Variants in ARL15 observed in about 807,000 individuals in gnomAD.
ARL15 encodes ARF like GTPase 15, also known as ADP-ribosylation factor-like protein 15.
ARL15 carries 19 observed loss-of-function variants against 25.2 expected under a neutral mutation model. The observed-to-expected ratio is 0.75, with a 90% CI of 0.53 to 1.10. The LOEUF is 1.10. Among genes scored for constraint, ARL15 ranks in the 50% least tolerant of loss-of-function variants. The pLI, the probability that ARL15 is intolerant of heterozygous loss-of-function variation, is 0.00. For missense variants in ARL15, 220 were observed against 246.0 expected, an observed-to-expected ratio of 0.89 and a Z score of 0.71; for synonymous variants, 94 against 86.8, an observed-to-expected ratio of 1.08 and a Z score of -0.46.
Position 54,126,760 on chromosome 5 carries a change from A to C in ARL15, c.254-13350T>G, listed in dbSNP as rs1335573301. Among the ~76,000 whole-genome samples, 3 of 152,266 alleles carry C rather than the reference A, an allele frequency of 2.0e-5. No homozygotes were observed. In the South Asian group the frequency reaches 6.2e-4, roughly 31 times the overall value. On this transcript the variant is annotated intron_variant, in intron 3 of 4. Coordinates refer to ENST00000504924, the MANE Select transcript of ARL15 (RefSeq NM_019087.3). ...GCAAGAAGGCCTTTGCCAAGTGCCA[A>C]TGCCATGCCTTCGAACTTCCCAGCC... is the stretch of plus-strand genomic sequence containing the variant.
intron 2 of ARL15, among the ~76,000 whole-genome samples, chr5:54,156,466 T>C (rs751494774): frequency 6.5e-4 from 99 of 152,258 alleles, no homozygotes; most frequent in Non-Finnish European, 7.9e-4. Flanking sequence ...GCTGGCATTA[T>C]GTTTCCATTG....
At chr5:53,941,396 G>A (rs1358470015) in intron 4 of ARL15, among the ~76,000 whole-genome samples, 3 of 152,274 alleles carry the variant, frequency 2.0e-5, no homozygotes, top group Non-Finnish European at 4.4e-5. Flanking sequence ...CTTTTTACAG[G>A]AGGTCGGGTA....
At chr5:53,982,596 T>C (rs555456624) in intron 4 of ARL15, among the ~76,000 whole-genome samples, 2 of 152,308 alleles carry the variant, frequency 1.3e-5, no homozygotes, top group South Asian at 4.1e-4. Context: ...TGATGGGCAT[T>C]TGGGTTGGTT....
At chr5:54,252,898 T>C (rs912024752) in intron 1 of ARL15, among the ~76,000 whole-genome samples, 1 of 152,034 alleles carries the variant, frequency 6.6e-6, no homozygotes. Context: ...GAATGTTTTT[T>C]ATTTTTTGTA....
chr5:54,267,683 C>T (rs1248635823), intron 1 of ARL15, among the ~76,000 whole-genome samples: 1 of 152,042 alleles, frequency 6.6e-6, no homozygotes, highest in East Asian at 1.9e-4. Flanking sequence ...AATCTCTCAG[C>T]ATTAGCTTGT....
intron 4 of ARL15, among the ~76,000 whole-genome samples, chr5:54,036,555 C>T (rs1025099311): frequency 2.6e-5 from 4 of 151,956 alleles, no homozygotes; most frequent in African/African-American, 9.7e-5. Flanking sequence ...CCTTCAAATC[C>T]ATACTTTGTT....
intron 4 of ARL15, among the ~76,000 whole-genome samples, chr5:53,944,573 C>T (rs1200119998): frequency 2.6e-5 from 4 of 152,096 alleles, no homozygotes; most frequent in Non-Finnish European, 2.9e-5. Flanking sequence ...GCCTGGGTGG[C>T]AGAGTGAGAC....
chr5:54,128,706 C>CTTT (rs34430326), intron 3 of ARL15, among the ~76,000 whole-genome samples: 8 of 130,250 alleles, frequency 6.1e-5, no homozygotes, highest in East Asian at 2.2e-4. Context: ...TATTTTGATT[C>CTTT]TTTTTTTTTT....
chr5:54,194,677 C>T (rs981572498), intron 1 of ARL15, among the ~76,000 whole-genome samples: 10 of 152,096 alleles, frequency 6.6e-5, no homozygotes, highest in African/African-American at 1.2e-4. Context: ...TTTGTGGTAA[C>T]GTGAGGAGAG....
intron 4 of ARL15, among the ~76,000 whole-genome samples, chr5:53,896,251 C>G (rs911222415): frequency 6.6e-6 from 1 of 152,152 alleles, no homozygotes; most frequent in African/African-American, 2.4e-5. Context: ...CTAGGCTGGT[C>G]TTAAACTCCT....
intron 3 of ARL15, among the ~76,000 whole-genome samples, chr5:54,123,163 G>A (rs1428923473): frequency 1.3e-5 from 2 of 150,142 alleles, no homozygotes; most frequent in African/African-American, 4.9e-5. Flanking sequence ...AGGCTGGAGT[G>A]CAATGGTGCC....
intron 4 of ARL15, among the ~76,000 whole-genome samples, chr5:53,950,459 T>C (rs1580110703): frequency 6.6e-6 from 1 of 152,150 alleles, no homozygotes; most frequent in East Asian, 1.9e-4. Context: ...ATCTGAGAAA[T>C]TCTCTATTTT....
intron 1 of ARL15, among the ~76,000 whole-genome samples, chr5:54,233,937 T>A (rs1756736736): frequency 6.6e-6 from 1 of 152,164 alleles, no homozygotes; most frequent in Non-Finnish European, 1.5e-5. Flanking sequence ...TCTCACTAAT[T>A]TTTGTTTTGG....
At chr5:53,994,693 A>C (rs545428510) in intron 4 of ARL15, among the ~76,000 whole-genome samples, 49 of 152,342 alleles carry the variant, frequency 3.2e-4, no homozygotes, top group Non-Finnish European at 5.9e-4. Flanking sequence ...AGATGCATTT[A>C]AAAACTGCAA....
At chr5:54,031,768 G>T (rs535649621) in intron 4 of ARL15, among the ~76,000 whole-genome samples, 295 of 151,950 alleles carry the variant, frequency 1.9e-3, no homozygotes, top group Middle Eastern at 6.8e-3. Flanking sequence ...TTCGCAAAAT[G>T]CAAGAACTAA....
At chr5:54,242,894 GA>G (rs900477159) in intron 1 of ARL15, among the ~76,000 whole-genome samples, 4 of 151,436 alleles carry the variant, frequency 2.6e-5, no homozygotes, top group Admixed American at 6.6e-5. Context: ...ATGCACAAAG[GA>G]AAAAAAATCT....
intron 4 of ARL15, among the ~76,000 whole-genome samples, chr5:53,980,319 T>C (rs541073401): frequency 5.3e-5 from 8 of 152,354 alleles, no homozygotes; most frequent in African/African-American, 1.7e-4. Flanking sequence ...TTACCTTTTT[T>C]GATTCTTTAT....
chr5:53,919,337 T>G (rs1380450363), intron 4 of ARL15, among the ~76,000 whole-genome samples: 1 of 152,210 alleles, frequency 6.6e-6, no homozygotes, highest in Non-Finnish European at 1.5e-5. Context: ...GCAGAATGGT[T>G]TGCAGAACCG....
intron 1 of ARL15, among the ~76,000 whole-genome samples, chr5:54,279,452 C>G (rs1028310077): frequency 2.0e-5 from 3 of 151,644 alleles, no homozygotes; most frequent in African/African-American, 4.8e-5. Context: ...ACATGGCAGA[C>G]AGAGAGAGAG....
Sources: allele counts gnomAD v4.1 joint callset (sites outside exome capture counted in the v4.1 genomes callset), GRCh38; gene constraint gnomAD v4.1.1; transcripts MANE v1.5; gene names NCBI Gene and HGNC (gene_info 2026-07-23, HGNC 2026-07-21).